Variants in CTIF observed in about 807,000 individuals in gnomAD.
CTIF encodes the protein CBP80/20-dependent translation initiation factor.
CTIF carries 21 observed loss-of-function variants against 66.0 expected under a neutral mutation model. The observed-to-expected ratio is 0.32, with a 90% CI of 0.23 to 0.46. The LOEUF (loss-of-function observed/expected upper bound fraction) is 0.46, where lower values mean the gene tolerates loss of function less well. Ranked by LOEUF, CTIF falls within the 20% of genes least tolerant of loss-of-function variation. The probability of loss-of-function intolerance (pLI) is 1.00; values close to 1 mark genes in which losing one functional copy is unlikely to be tolerated. For missense variants in CTIF, 739 were observed against 812.7 expected (o/e 0.91, Z 1.10); for synonymous variants, 345 against 326.4 (o/e 1.06, Z -0.62).
intron 1 of CTIF, among the ~76,000 whole-genome samples, chr18:48,553,186 T>C (rs1034951887): frequency 6.6e-6 from 1 of 152,214 alleles, no homozygotes; most frequent in Non-Finnish European, 1.5e-5. Context: ...CCAGGTTTGT[T>C]CTAGGCTTTT....
chr18:48,758,037 C>T lies in CTIF; in HGVS notation c.703C>T (p.Pro235Ser). The change falls in exon 8 of 12, where the codon CCC (proline) becomes TCC (serine). Residue 235 changes from proline to serine, a missense_variant. Around this residue, in one of 2 missense-constraint regions of CTIF, gnomAD observed 529 missense variants for 520.3 expected, o/e 1.02. Coordinates refer to ENST00000256413, the MANE Select transcript of CTIF (RefSeq NM_014772.3). ...KSYQGGSAPH[P>S]SGRPTHHGYS... ...CTACCAGGGGGGCTCAGCACCCCAC[C>T]CCTCAGGGAGGCCCACTCACCATGG... The T allele has an allele frequency of 6.2e-7, 1 of 1,614,088 alleles. No homozygotes were observed. The highest frequency in any genetic ancestry group is 8.5e-7 in the Non-Finnish European group (1 of 1,180,000).
chr18:48,708,571 T>A (rs540909269), intron 6 of CTIF, among the ~76,000 whole-genome samples: 2 of 152,340 alleles, frequency 1.3e-5, no homozygotes, highest in East Asian at 1.9e-4. Context: ...ACATTGAGGC[T>A]GAGGCCCCAG....
At chr18:48,674,144 T>G (rs2091586026) in intron 6 of CTIF, among the ~76,000 whole-genome samples, 1 of 152,200 alleles carries the variant, frequency 6.6e-6, no homozygotes, top group Non-Finnish European at 1.5e-5. Flanking sequence ...CCCTAGCCTT[T>G]TAGAGAGAGA....
intron 9 of CTIF, among the ~76,000 whole-genome samples, chr18:48,772,490 A>AACTCCCCTACAGCAATG: frequency 6.6e-6 from 1 of 151,850 alleles, no homozygotes. Flanking sequence ...CTACAGCAAT[A>AACTCCCCTACAGCAATG]ACTCCCCTAC....
intron 1 of CTIF, among the ~76,000 whole-genome samples, chr18:48,608,482 G>T (rs1054942191): frequency 1.3e-5 from 2 of 152,046 alleles, no homozygotes; most frequent in Non-Finnish European, 2.9e-5. Flanking sequence ...ATCGAAAGTG[G>T]TGGGGGGGTG....
chr18:48,803,874 G>A (rs922933993), intron 9 of CTIF, among the ~76,000 whole-genome samples: 3 of 152,182 alleles, frequency 2.0e-5, no homozygotes, highest in African/African-American at 7.2e-5. Context: ...ACCTGTCTGT[G>A]GCAGCAGAAA....
chr18:48,827,086 C>A (rs941183297), intron 10 of CTIF, among the ~76,000 whole-genome samples: 1 of 152,020 alleles, frequency 6.6e-6, no homozygotes, highest in Non-Finnish European at 1.5e-5. Context: ...AAAGAGAGGG[C>A]CCGATGAGCG....
intron 1 of CTIF, among the ~76,000 whole-genome samples, chr18:48,613,236 T>A (rs539536875): frequency 9.4e-4 from 143 of 152,240 alleles, no homozygotes; most frequent in Non-Finnish European, 1.7e-3. Context: ...CCACTGATTG[T>A]CTCTAGCCTG....
chr18:48,682,499 C>T (rs779920965), intron 6 of CTIF, among the ~76,000 whole-genome samples: 8 of 152,202 alleles, frequency 5.3e-5, no homozygotes, highest in Non-Finnish European at 1.0e-4. Context: ...GATACTGATG[C>T]GTGCAACAGT....
At chr18:48,631,044 C>T (rs113670385) in intron 2 of CTIF, among the ~76,000 whole-genome samples, 5,471 of 152,238 alleles carry the variant, frequency 0.036, 290 homozygotes, top group African/African-American at 0.12. Context: ...TTTTAGGCAC[C>T]ACTGAAATGG....
intron 9 of CTIF, among the ~76,000 whole-genome samples, chr18:48,807,490 A>T (rs1233433362): frequency 6.9e-6 from 1 of 145,930 alleles, no homozygotes; most frequent in Non-Finnish European, 1.5e-5. Flanking sequence ...TATATGGTAA[A>T]TGCAATTTCA....
chr18:48,665,413 C>T (rs964567061), intron 5 of CTIF, among the ~76,000 whole-genome samples: 2 of 152,182 alleles, frequency 1.3e-5, no homozygotes, highest in East Asian at 1.9e-4. Flanking sequence ...GTGACTCCAG[C>T]GAGACACAGA....
intron 10 of CTIF, among the ~76,000 whole-genome samples, chr18:48,820,707 C>T (rs2068464762): frequency 6.7e-6 from 1 of 150,184 alleles, no homozygotes; most frequent in South Asian, 2.1e-4. Context: ...TGTCAAGTCA[C>T]TCACTCCATC....
intron 10 of CTIF, among the ~76,000 whole-genome samples, chr18:48,824,176 TA>T (rs2068538244): frequency 6.6e-6 from 1 of 152,104 alleles, no homozygotes; most frequent in Non-Finnish European, 1.5e-5. Flanking sequence ...ACCAAAGAAG[TA>T]AAAAACTTGT....
chr18:48,802,959 A>G (rs1222008407), intron 9 of CTIF, among the ~76,000 whole-genome samples: 1 of 152,232 alleles, frequency 6.6e-6, no homozygotes, highest in Non-Finnish European at 1.5e-5. Flanking sequence ...TTTCAAGGCC[A>G]CAGCCACAGC....
chr18:48,838,068 AT>A (rs10708184), intron 10 of CTIF, among the ~76,000 whole-genome samples: 34,064 of 150,272 alleles, frequency 0.23, 3,947 homozygotes, highest in East Asian at 0.28. Flanking sequence ...AGAAGAACTG[AT>A]TTTTTTTTTT....
At chr18:48,686,483 T>C (rs2145208103) in intron 6 of CTIF, among the ~76,000 whole-genome samples, 1 of 152,302 alleles carries the variant, frequency 6.6e-6, no homozygotes, top group African/African-American at 2.4e-5. Flanking sequence ...AATGAATGGT[T>C]CTTAGAAGCC....
rs150988257 is a variant in CTIF, at chr18:48,833,436, G to A, written c.1527+16060G>A. On this transcript the variant is annotated intron_variant, in intron 10 of 11. Coordinates refer to ENST00000256413, the MANE Select transcript of CTIF (RefSeq NM_014772.3). Reference sequence around the variant, plus strand: ...GCTCGGAGGTCCTGCAGCCCTCTGGGAAAGATGCCCTCTTTCCCATTTCCT... The same window carrying A: ...GCTCGGAGGTCCTGCAGCCCTCTGGAAAAGATGCCCTCTTTCCCATTTCCT... 9.3e-5 allele frequency among the ~76,000 whole-genome samples: 14 copies of A among 151,038 alleles called. No homozygotes were observed. The East Asian group carries it at 2.8e-3, about 30-fold the overall frequency.
chr18:48,721,902 G>A (rs1451140389), intron 7 of CTIF, among the ~76,000 whole-genome samples: 1 of 152,160 alleles, frequency 6.6e-6, no homozygotes, highest in Non-Finnish European at 1.5e-5. Flanking sequence ...ATAAAATAGG[G>A]CTCTGATTTC....
Sources: gnomAD v4.1 joint callset for allele counts (sites outside exome capture counted in the v4.1 genomes callset) on GRCh38, gnomAD v4.1.1 for gene constraint, gnomAD v4.1.1 regional missense constraint, MANE v1.5 for transcripts, NCBI Gene and HGNC (gene_info 2026-07-23, HGNC 2026-07-21) for gene names.